Variants in CACNA1C observed in about 807,000 individuals in gnomAD.
CACNA1C encodes calcium voltage-gated channel subunit alpha1 C, also known as voltage-dependent L-type calcium channel subunit alpha-1C.
In CACNA1C, 30 loss-of-function variants were observed where a neutral mutation model predicts 229.0. The ratio of observed to expected loss-of-function variants is 0.13; its 90% CI spans 0.10 to 0.18. The LOEUF (loss-of-function observed/expected upper bound fraction) is 0.18, where lower values mean the gene tolerates loss of function less well. Ranked by LOEUF, CACNA1C falls within the 10% of genes least tolerant of loss-of-function variation. The pLI is 1.00. For missense variants in CACNA1C, 1,658 were observed against 2,845.0 expected, an observed-to-expected ratio of 0.58 and a Z score of 9.49; for synonymous variants, 1,114 against 1,132.5, an observed-to-expected ratio of 0.98 and a Z score of 0.33.
chr12:2,598,629 A>G (rs764702411), intron 21 of CACNA1C, among the ~76,000 whole-genome samples: 1 of 152,160 alleles, frequency 6.6e-6, no homozygotes, highest in Non-Finnish European at 1.5e-5. Context: ...GCTGTGGCCA[A>G]TGCAAGCTGA....
Position 2,608,751 on chromosome 12 carries a change from C to G in CACNA1C, c.3558+39C>G. On this transcript the variant is annotated intron_variant, in intron 27 of 46. Transcript: ENST00000399655. This position sits in a 1 kb window ranked among gnomAD's most constrained non-coding sequence, Gnocchi z 4.2. The stretch of plus-strand genomic sequence containing the variant: ...AAGGAGCGGAGGGAAGCGGGGCCCA[C>G]GGAGGGAATGGCAGCCTGCGGCCCA... 6.2e-7 allele frequency: 1 copy of G among 1,605,524 alleles called. No homozygotes were observed. The highest frequency in any genetic ancestry group is 8.5e-7 in the Non-Finnish European group (1 of 1,174,558).
chr12:2,355,985 C>T (rs2238075), intron 3 of CACNA1C, among the ~76,000 whole-genome samples: 5,354 of 152,282 alleles, frequency 0.035, 146 homozygotes, highest in East Asian at 0.13. Context: ...CCTCCAGGCC[C>T]GCAACCCCCA....
intron 1 of CACNA1C, among the ~76,000 whole-genome samples, chr12:2,008,993 G>A (rs1015618978): frequency 5.3e-5 from 8 of 152,138 alleles, no homozygotes; most frequent in Non-Finnish European, 1.5e-5. Flanking sequence ...TTGCAGGCTC[G>A]ATATTAGTAA....
intron 1 of CACNA1C, among the ~76,000 whole-genome samples, chr12:2,101,548 G>A (rs760395335): frequency 9.9e-5 from 15 of 152,138 alleles, no homozygotes; most frequent in Middle Eastern, 3.2e-3. Context: ...CTGTGGGTCC[G>A]TGAGCTCCGA....
At chr12:2,022,758 G>C (rs186399937) in intron 1 of CACNA1C, among the ~76,000 whole-genome samples, 1 of 152,020 alleles carries the variant, frequency 6.6e-6, no homozygotes, top group Non-Finnish European at 1.5e-5. Context: ...ACTCTTGTTC[G>C]TATCCATTAG....
At chr12:2,419,437 A>G (rs1430527907) in intron 3 of CACNA1C, among the ~76,000 whole-genome samples, 1 of 152,136 alleles carries the variant, frequency 6.6e-6, no homozygotes, top group East Asian at 1.9e-4. Flanking sequence ...CACCCCCACC[A>G]GGCCCACCTC....
Position 2,605,046 on chromosome 12 carries a change from A to C in CACNA1C, c.2961-35A>C. On this transcript the variant is annotated intron_variant, in intron 22 of 46. Coordinates refer to ENST00000399655, the MANE Select transcript of CACNA1C (RefSeq NM_000719.7). This position sits in a 1 kb window ranked among gnomAD's most constrained non-coding sequence, Gnocchi z 6.2. ...TATTTTTGCTCCCCCCAGAAACAGG[A>C]GGAGCTTACTACCCTGCCTGTTTCC... 2.0e-6 allele frequency: 3 copies of C among 1,482,938 alleles called. No homozygotes were observed. Among genetic ancestry groups the C allele is most frequent in the Non-Finnish European group, 2.8e-6 (3 of 1,060,528 alleles). 91.9% of individuals were successfully genotyped at this position (1,482,938 alleles called of 1,614,324 possible). A position where few individuals can be genotyped will look rare whatever the true frequency, so the allele number is the denominator to read the frequency against.
intron 3 of CACNA1C, among the ~76,000 whole-genome samples, chr12:2,191,489 G>C (rs2097210293): frequency 6.6e-6 from 1 of 152,094 alleles, no homozygotes; most frequent in Non-Finnish European, 1.5e-5. Flanking sequence ...CCAGACATGG[G>C]CCTGATGCTT....
intron 3 of CACNA1C, among the ~76,000 whole-genome samples, chr12:2,434,591 TG>T (rs1254015515): frequency 6.6e-6 from 1 of 152,056 alleles, no homozygotes; most frequent in Middle Eastern, 3.4e-3. Flanking sequence ...CGAAGGGGAG[TG>T]GGGATTATCC....
chr12:2,660,448 C>T (rs1376392570), intron 34 of CACNA1C: 2 of 153,384 alleles, frequency 1.3e-5, no homozygotes, highest in Non-Finnish European at 2.9e-5. Flanking sequence ...GACCAAAGCA[C>T]CCAAGACTCG....
intron 3 of CACNA1C, among the ~76,000 whole-genome samples, chr12:2,268,855 G>C (rs1002980306): frequency 1.3e-5 from 2 of 152,196 alleles, no homozygotes; most frequent in Non-Finnish European, 2.9e-5. Flanking sequence ...TCTTGGTGCT[G>C]TTCATTCCGG....
intron 10 of CACNA1C, among the ~76,000 whole-genome samples, chr12:2,551,102 A>G (rs2099900883): frequency 6.6e-6 from 1 of 152,214 alleles, no homozygotes; most frequent in South Asian, 2.1e-4. Flanking sequence ...CCCAAACAGC[A>G]ACTCTAGGGA....
rs1192755559 is a variant in CACNA1C, at chr12:2,053,118, A to G, written c.-445A>G. The stretch of plus-strand genomic sequence containing the variant: ...GGAGTTGCCGGCTCCCTTTGACAGC[A>G]GAGAGCCGGGCAGGGGCCTCAGGAG... On this transcript the variant is annotated 5_prime_UTR_variant, in exon 1 of 47. Coordinates refer to ENST00000399655, the MANE Select transcript of CACNA1C (RefSeq NM_000719.7). The surrounding 1 kb of genome is among the most constrained non-coding windows in gnomAD (Gnocchi z 5.8). 4.1e-6 allele frequency: 4 copies of G among 984,380 alleles called. No individual in the cohort carries two copies. Among genetic ancestry groups the G allele is most frequent in the Non-Finnish European group, 4.8e-6 (4 of 829,596 alleles). The allele number at this position is 984,380 out of a possible 1,614,324, so 61.0% of individuals were successfully genotyped here.
In CACNA1C at chr12:2,605,289, C is replaced by T; in HGVS notation, c.3048+121C>T. 2 of 679,592 alleles carry T rather than the reference C, an allele frequency of 2.9e-6. No individual in the cohort carries two copies. Among genetic ancestry groups the T allele is most frequent in the Non-Finnish European group, 5.3e-6 (2 of 379,434 alleles). 42.1% of individuals were successfully genotyped at this position (679,592 alleles called of 1,614,324 possible). On this transcript the variant is annotated intron_variant, in intron 23 of 46. Transcript: ENST00000399655. This position sits in a 1 kb window ranked among gnomAD's most constrained non-coding sequence, Gnocchi z 6.2. ...AGACCAAGTGGCTGCCATGTGGGGT[C>T]CCGGACACTGGTCCCACTGCATGTC...
chr12:2,648,544 G>C, intron 31 of CACNA1C, 37 bp downstream of exon 31: 1 of 1,605,648 alleles, frequency 6.2e-7, no homozygotes. Context: ...CCCGGCTTCC[G>C]TGTCCCCCTC....
chr12:2,478,820 G>A (rs1441876428), intron 5 of CACNA1C, among the ~76,000 whole-genome samples: 1 of 152,130 alleles, frequency 6.6e-6, no homozygotes, highest in Non-Finnish European at 1.5e-5. Context: ...ACCTCCCATG[G>A]CAATCAGCAG....
intron 7 of CACNA1C, among the ~76,000 whole-genome samples, chr12:2,502,252 G>T (rs2099762176): frequency 6.6e-6 from 1 of 152,196 alleles, no homozygotes; most frequent in Non-Finnish European, 1.5e-5. Flanking sequence ...CACATATCAG[G>T]TTCACTCATT....
chr12:2,417,606 A>G (rs2098926369), intron 3 of CACNA1C, among the ~76,000 whole-genome samples: 1 of 152,172 alleles, frequency 6.6e-6, no homozygotes, highest in South Asian at 2.1e-4. Context: ...AAGGTGGTCC[A>G]GGCGGATGAC....
At chr12:1,974,957 T>C (rs1183050590) in intron 1 of CACNA1C, among the ~76,000 whole-genome samples, 1 of 152,176 alleles carries the variant, frequency 6.6e-6, no homozygotes, top group Non-Finnish European at 1.5e-5. Context: ...GACTTCTTCA[T>C]ATTTGAGCCA....
Sources: gnomAD v4.1 joint callset for allele counts (sites outside exome capture counted in the v4.1 genomes callset) on GRCh38, gnomAD v4.1.1 for gene constraint, Gnocchi (gnomAD v3.1) non-coding constraint, MANE v1.5 for transcripts, NCBI Gene and HGNC (gene_info 2026-07-23, HGNC 2026-07-21) for gene names.